NRXN3: variants seen among roughly 807,000 people sequenced by gnomAD.
NRXN3 encodes the protein neurexin 3.
A neutral mutation model predicts 137.6 loss-of-function variants in NRXN3; 32 were observed. The ratio of observed to expected loss-of-function variants is 0.23; its 90% CI spans 0.18 to 0.31. NRXN3 has a LOEUF of 0.31. NRXN3 is among the 10% of genes least tolerant of loss of function. NRXN3 has a pLI of 1.00. For missense variants in NRXN3, 1,574 were observed against 2,062.5 expected, an observed-to-expected ratio of 0.76 and a Z score of 4.59; for synonymous variants, 798 against 784.5, an observed-to-expected ratio of 1.02 and a Z score of -0.29.
chr14:79,863,214 C>T lies in NRXN3; in HGVS notation c.*1250C>T, dbSNP rs1445655540. ...CCTGACATTTATGGATAACTCTGTC[C>T]TTCCATTTGCTCACTTCTCTCTTCA... On this transcript the variant is annotated 3_prime_UTR_variant, in exon 21 of 21. Transcript: ENST00000335750. The T allele has an allele frequency of 1.3e-5, 2 of 152,372 alleles. No individual in the cohort carries two copies. The allele number at this position is 152,372 out of a possible 1,614,324, so 9.4% of individuals were successfully genotyped here. A position where few individuals can be genotyped will look rare whatever the true frequency, so the allele number is the denominator to read the frequency against.
chr14:78,296,295 G>C (rs1391897424), intron 3 of NRXN3, among the ~76,000 whole-genome samples: 1 of 151,984 alleles, frequency 6.6e-6, no homozygotes, highest in Non-Finnish European at 1.5e-5. Context: ...CGAACTCCTG[G>C]ACTCAAGCTA....
intron 3 of NRXN3, chr14:78,279,461 G>T (rs926113715): frequency 3.9e-5 from 6 of 152,172 alleles, no homozygotes; most frequent in Admixed American, 3.3e-4. Context: ...GAGTTAAAAA[G>T]AATAATTAAC....
At chr14:78,841,584 C>G (rs926150721) in intron 10 of NRXN3, among the ~76,000 whole-genome samples, 2 of 151,976 alleles carry the variant, frequency 1.3e-5, no homozygotes, top group African/African-American at 4.8e-5. Context: ...TTTATCAATT[C>G]TATTTTTGGT....
chr14:79,833,877 A>C (rs1175603362), intron 20 of NRXN3, among the ~76,000 whole-genome samples: 2 of 152,182 alleles, frequency 1.3e-5, no homozygotes, highest in Admixed American at 1.3e-4. Flanking sequence ...ACCTTTTGGA[A>C]TGAAAATAAC....
chr14:78,268,624 G>A (rs2072209786), intron 2 of NRXN3, among the ~76,000 whole-genome samples: 1 of 152,176 alleles, frequency 6.6e-6, no homozygotes, highest in African/African-American at 2.4e-5. Context: ...CTGTGGGAAG[G>A]AAAACGAGTT....
At chr14:79,041,531 G>C (rs1450391187) in intron 15 of NRXN3, among the ~76,000 whole-genome samples, 1 of 152,076 alleles carries the variant, frequency 6.6e-6, no homozygotes, top group African/African-American at 2.4e-5. Context: ...TATAGCCTTG[G>C]GTTCTGGGAT....
intron 15 of NRXN3, among the ~76,000 whole-genome samples, chr14:79,431,775 GA>G (rs944174161): frequency 6.7e-5 from 10 of 150,022 alleles, no homozygotes; most frequent in South Asian, 6.3e-4. Context: ...AAAAAATTAA[GA>G]AAAAAAAACT....
chr14:79,288,923 G>A (rs907279677), intron 15 of NRXN3, among the ~76,000 whole-genome samples: 2 of 152,088 alleles, frequency 1.3e-5, no homozygotes, highest in African/African-American at 2.4e-5. Context: ...ATGAATCAAT[G>A]AATAAATGAT....
chr14:78,458,752 T>C (rs2153714994), intron 4 of NRXN3, among the ~76,000 whole-genome samples: 1 of 152,342 alleles, frequency 6.6e-6, no homozygotes, highest in Non-Finnish European at 1.5e-5. Context: ...CAAACAGGGA[T>C]TAATAGAAGA....
At chr14:79,732,786 A>G (rs914326546) in intron 19 of NRXN3, among the ~76,000 whole-genome samples, 1 of 152,160 alleles carries the variant, frequency 6.6e-6, no homozygotes, top group Non-Finnish European at 1.5e-5. Flanking sequence ...ATTAGGAACA[A>G]AAAAACTTAA....
intron 15 of NRXN3, among the ~76,000 whole-genome samples, chr14:78,997,110 G>A (rs947997679): frequency 2.8e-4 from 42 of 152,236 alleles, no homozygotes; most frequent in African/African-American, 9.6e-4. Context: ...CCAGGACTGC[G>A]TGCAGCTTTG....
chr14:78,962,684 A>G (rs963305691), intron 11 of NRXN3, among the ~76,000 whole-genome samples: 1 of 152,112 alleles, frequency 6.6e-6, no homozygotes, highest in East Asian at 1.9e-4. Context: ...TTTAGCACAC[A>G]GTGAAGCCAA....
intron 15 of NRXN3, among the ~76,000 whole-genome samples, chr14:79,281,285 T>C (rs560438990): frequency 5.7e-4 from 87 of 152,264 alleles, no homozygotes; most frequent in Middle Eastern, 3.4e-3. Context: ...TGTTATTTCA[T>C]CTTTAGGTAG....
At chr14:79,486,860 G>A (rs1283007686) in intron 16 of NRXN3, among the ~76,000 whole-genome samples, 2 of 150,954 alleles carry the variant, frequency 1.3e-5, no homozygotes, top group African/African-American at 2.5e-5. Context: ...AATATTGTTA[G>A]CCTAAGTAAT....
At chr14:78,536,877 A>G (rs1219353030) in intron 4 of NRXN3, among the ~76,000 whole-genome samples, 1 of 150,200 alleles carries the variant, frequency 6.7e-6, no homozygotes, top group Non-Finnish European at 1.5e-5. Context: ...TGTCCTTGTG[A>G]CAGTTTGCTG....
intron 16 of NRXN3, among the ~76,000 whole-genome samples, chr14:79,544,129 C>G (rs2097298272): frequency 6.6e-6 from 1 of 152,096 alleles, no homozygotes; most frequent in African/African-American, 2.4e-5. Context: ...TCACAGCGCC[C>G]CCATGGGGCT....
chr14:78,468,424 T>C (rs2095177611), intron 4 of NRXN3, among the ~76,000 whole-genome samples: 1 of 152,096 alleles, frequency 6.6e-6, no homozygotes, highest in Non-Finnish European at 1.5e-5. Context: ...TGGTTTGGCT[T>C]TGCTCCATGT....
intron 15 of NRXN3, among the ~76,000 whole-genome samples, chr14:79,306,259 A>G (rs1445568859): frequency 6.6e-6 from 1 of 152,052 alleles, no homozygotes; most frequent in African/African-American, 2.4e-5. Context: ...TATACTGTAT[A>G]TTCATTCCCC....
chr14:79,541,043 C>T (rs2097267252), intron 16 of NRXN3, among the ~76,000 whole-genome samples: 1 of 152,164 alleles, frequency 6.6e-6, no homozygotes, highest in African/African-American at 2.4e-5. Flanking sequence ...GGATGCATCA[C>T]TCTGATCTCT....
Sources: gnomAD v4.1 joint callset for allele counts (sites outside exome capture counted in the v4.1 genomes callset) on GRCh38, gnomAD v4.1.1 for gene constraint, MANE v1.5 for transcripts, NCBI Gene and HGNC (gene_info 2026-07-23, HGNC 2026-07-21) for gene names.